The following GXYLT2 variants were observed in gnomAD, a reference collection of about 807,000 sequenced individuals.
GXYLT2 encodes the protein glucoside xylosyltransferase 2, also known as glycosyltransferase 8 domain containing 4.
In GXYLT2, 53 loss-of-function variants were observed where a neutral mutation model predicts 45.8. The ratio of observed to expected loss-of-function variants is 1.16; its 90% CI spans 0.93 to 1.46. The LOEUF is 1.46. GXYLT2 is among the 40% of genes most tolerant of loss of function. The pLI, the probability that GXYLT2 is intolerant of heterozygous loss-of-function variation, is 0.00. For synonymous variants in GXYLT2, 219 were observed against 214.2 expected (o/e 1.02, Z -0.19); for missense variants, 551 against 544.4 (o/e 1.01, Z -0.12).
chr3:72,914,584 T>G (rs1709699565), intron 2 of GXYLT2, among the ~76,000 whole-genome samples: 1 of 152,086 alleles, frequency 6.6e-6, no homozygotes, highest in South Asian at 2.1e-4. Context: ...TATGCGCGTA[T>G]GTGTGCCCAT....
At chr3:72,958,833 T>C (rs984897511) in intron 5 of GXYLT2, among the ~76,000 whole-genome samples, 3 of 151,912 alleles carry the variant, frequency 2.0e-5, no homozygotes, top group Non-Finnish European at 4.4e-5. Flanking sequence ...GGTTTCCCCA[T>C]GTTGGCCAGG....
At chr3:72,921,113 G>A (rs546536648) in intron 2 of GXYLT2, among the ~76,000 whole-genome samples, 26 of 151,628 alleles carry the variant, frequency 1.7e-4, no homozygotes, top group Admixed American at 1.4e-3. Context: ...GAGCCACCAC[G>A]CCCGGCCTCA....
intron 3 of GXYLT2, among the ~76,000 whole-genome samples, chr3:72,950,098 G>T (rs1162835451): frequency 1.5e-4 from 23 of 151,614 alleles, no homozygotes; most frequent in Admixed American, 1.5e-3. Context: ...CAAGGCAGGA[G>T]GATGACTTGA....
At chr3:72,927,772 A>AATGATTTC (rs1709945798) in intron 3 of GXYLT2, among the ~76,000 whole-genome samples, 3 of 152,192 alleles carry the variant, frequency 2.0e-5, no homozygotes, top group Admixed American at 2.0e-4. Flanking sequence ...TAGCCACCTA[A>AATGATTTC]ATGATTACAT....
intron 5 of GXYLT2, among the ~76,000 whole-genome samples, chr3:72,959,745 C>G (rs1315200555): frequency 2.6e-5 from 4 of 151,826 alleles, no homozygotes; most frequent in Non-Finnish European, 5.9e-5. Flanking sequence ...AGCAATTCTC[C>G]TATCTCAGCC....
intron 5 of GXYLT2, among the ~76,000 whole-genome samples, chr3:72,960,751 A>G (rs1367339769): frequency 6.6e-6 from 1 of 152,072 alleles, no homozygotes; most frequent in Non-Finnish European, 1.5e-5. Flanking sequence ...GTTTCTCTTC[A>G]TGTATATTGA....
chr3:72,927,815 A>G (rs1709946498), intron 3 of GXYLT2, among the ~76,000 whole-genome samples: 2 of 152,228 alleles, frequency 1.3e-5, no homozygotes, highest in Admixed American at 6.5e-5. Flanking sequence ...TTGTTGAACA[A>G]GCTTTCCACA....
At chr3:72,959,932 G>A (rs1710737717) in intron 5 of GXYLT2, among the ~76,000 whole-genome samples, 1 of 149,966 alleles carries the variant, frequency 6.7e-6, no homozygotes, top group Non-Finnish European at 1.5e-5. Context: ...ACCATGACCG[G>A]TTTTGTGTTT....
rs1295588215 is a variant in GXYLT2, at chr3:72,975,210, C to G, written c.*51C>G. On this transcript the variant is annotated 3_prime_UTR_variant, in exon 7 of 7. Transcript: ENST00000389617. ...TAGGTGTCTTGTGACCAAGGAAATA[C>G]TAATCTCTAAGCTGCCTGGGTCTTT... 7.3e-7 allele frequency: 1 copy of G among 1,370,520 alleles called. No homozygotes were observed. The highest frequency in any genetic ancestry group is 1.0e-6 in the Non-Finnish European group (1 of 983,096). 84.9% of individuals were successfully genotyped at this position (1,370,520 alleles called of 1,614,324 possible).
At chr3:72,943,192 G>A (rs1456461705) in intron 3 of GXYLT2, among the ~76,000 whole-genome samples, 3 of 152,296 alleles carry the variant, frequency 2.0e-5, no homozygotes, top group Non-Finnish European at 2.9e-5. Flanking sequence ...GAAAAAGGAG[G>A]ACAGGGACCT....
intron 5 of GXYLT2, among the ~76,000 whole-genome samples, chr3:72,960,136 G>C (rs1710741655): frequency 6.6e-6 from 1 of 152,074 alleles, no homozygotes; most frequent in South Asian, 2.1e-4. Context: ...TGTATTATAG[G>C]CATCCGCCAC....
intron 5 of GXYLT2, among the ~76,000 whole-genome samples, chr3:72,965,433 T>C (rs1443192250): frequency 6.6e-6 from 1 of 152,220 alleles, no homozygotes; most frequent in Non-Finnish European, 1.5e-5. Flanking sequence ...ACTGATTTGC[T>C]GTAATCCTCT....
intron 2 of GXYLT2, among the ~76,000 whole-genome samples, chr3:72,916,774 C>T (rs1433860664): frequency 2.0e-5 from 3 of 151,436 alleles, no homozygotes; most frequent in African/African-American, 4.9e-5. Flanking sequence ...CTCCTGACCT[C>T]GGCCTCCCAA....
chr3:72,914,546 T>TGTGC (rs796221070), intron 2 of GXYLT2, among the ~76,000 whole-genome samples: 2 of 143,788 alleles, frequency 1.4e-5, no homozygotes, highest in Admixed American at 7.1e-5. Flanking sequence ...TGTGTGTGTG[T>TGTGC]GCGCGCGCGC....
At chr3:72,929,397 C>A in intron 3 of GXYLT2, 2 of 1,113,774 alleles carry the variant, frequency 1.8e-6, no homozygotes, top group South Asian at 2.5e-5. Flanking sequence ...ACTACTGGAA[C>A]TGCACAAACT....
chr3:72,939,485 A>C (rs1710258210), intron 3 of GXYLT2, among the ~76,000 whole-genome samples: 1 of 152,154 alleles, frequency 6.6e-6, no homozygotes, highest in Non-Finnish European at 1.5e-5. Flanking sequence ...ATATAGCAAC[A>C]TTATTTTCCA....
chr3:72,930,993 A>T (rs1455764683), intron 3 of GXYLT2, among the ~76,000 whole-genome samples: 3 of 152,100 alleles, frequency 2.0e-5, no homozygotes, highest in African/African-American at 7.2e-5. Context: ...CTTCTTTAGG[A>T]CACTCCACCC....
chr3:72,938,268 A>G (rs187589401), intron 3 of GXYLT2, among the ~76,000 whole-genome samples: 41 of 152,280 alleles, frequency 2.7e-4, no homozygotes, highest in Admixed American at 2.7e-3. Flanking sequence ...GGATGGAAAG[A>G]CGGACAAATG....
intron 4 of GXYLT2, 88 bp from the exon 5 acceptor site, chr3:72,957,141 G>A (rs1710664534): frequency 1.5e-6 from 2 of 1,358,282 alleles, no homozygotes; most frequent in Non-Finnish European, 2.0e-6. Context: ...CCTCTGAAGG[G>A]AAGAAAACTA....
Sources: gnomAD v4.1 joint callset for allele counts (sites outside exome capture counted in the v4.1 genomes callset) on GRCh38, gnomAD v4.1.1 for gene constraint, MANE v1.5 for transcripts, NCBI Gene and HGNC (gene_info 2026-07-23, HGNC 2026-07-21) for gene names.